The following NBAS variants were observed in gnomAD, a reference collection of about 807,000 sequenced individuals.
NBAS encodes the protein NBAS subunit of NRZ tethering complex, also known as NAG/BC035112 fusion.
Under a neutral mutation model 302.5 loss-of-function variants are expected in NBAS, and 219 were observed. That is an observed-to-expected ratio of 0.72 (90% CI 0.65 to 0.81). The LOEUF is 0.81. Among genes scored for constraint, NBAS ranks in the 30% least tolerant of loss-of-function variants. NBAS has a pLI of 0.00. For missense variants in NBAS, 2,932 were observed against 2,841.6 expected (o/e 1.03, Z -0.72); for synonymous variants, 1,118 against 1,021.6 (o/e 1.09, Z -1.80).
At chr2:15,243,744 C>T (rs750042909) in intron 44 of NBAS, among the ~76,000 whole-genome samples, 2 of 152,102 alleles carry the variant, frequency 1.3e-5, no homozygotes, top group Non-Finnish European at 1.5e-5. Flanking sequence ...GTGGGTATTA[C>T]ATGAAGTACT....
chr2:14,804,458 G>A, the NBAS span, among the ~76,000 whole-genome samples: 1 of 152,118 alleles, frequency 6.6e-6, no homozygotes, highest in Non-Finnish European at 1.5e-5. Context: ...CTATGTTAAT[G>A]AATCAACAAT....
intron 29 of NBAS, among the ~76,000 whole-genome samples, chr2:15,380,563 T>C (rs927831732): frequency 2.7e-5 from 3 of 111,346 alleles, no homozygotes; most frequent in African/African-American, 9.4e-5. Flanking sequence ...TATTAAAAAT[T>C]ATTTAAATAA....
chr2:15,280,149 T>G (rs186342502), intron 42 of NBAS, among the ~76,000 whole-genome samples: 2 of 152,342 alleles, frequency 1.3e-5, no homozygotes, highest in East Asian at 3.9e-4. Flanking sequence ...ACTAATCTCA[T>G]GATTAAGGTG....
At chr2:15,334,702 C>T (rs1269988869) in intron 35 of NBAS, among the ~76,000 whole-genome samples, 2 of 152,208 alleles carry the variant, frequency 1.3e-5, no homozygotes, top group African/African-American at 4.8e-5. Context: ...CCCCATGATG[C>T]AAAGACAATT....
chr2:14,925,804 C>T, the NBAS span, among the ~76,000 whole-genome samples: 13,260 of 152,196 alleles, frequency 0.087, 654 homozygotes, highest in African/African-American at 0.11. Flanking sequence ...AGAACTGTGA[C>T]TTATTATACT....
At chr2:15,175,919 T>C (rs1664515845) in intron 51 of NBAS, among the ~76,000 whole-genome samples, 1 of 152,152 alleles carries the variant, frequency 6.6e-6, no homozygotes, top group Non-Finnish European at 1.5e-5. Context: ...GTGGGGGTGT[T>C]TTTAAACTTG....
At chr2:14,860,845 G>A in the NBAS span, among the ~76,000 whole-genome samples, 3 of 152,110 alleles carry the variant, frequency 2.0e-5, no homozygotes, top group Non-Finnish European at 2.9e-5. Flanking sequence ...AGTAATTCAA[G>A]TGTTTCTATT....
chr2:15,064,125 A>G, the NBAS span, among the ~76,000 whole-genome samples: 1 of 152,188 alleles, frequency 6.6e-6, no homozygotes, highest in South Asian at 2.1e-4. Context: ...CAGGGTATTG[A>G]AGTCTCCTAC....
chr2:15,417,597 T>A lies in NBAS; in HGVS notation c.2693A>T (p.Asp898Val), dbSNP rs140077889. Residue 898 changes from aspartate to valine, a missense_variant, in exon 24 of 52, where the codon GAT becomes GTT. Transcript: ENST00000281513. ...LETLVYEARC[D>V]VTLTLKELQQ... ...GAGTTCTTTCAGGGTTAGAGTTACA[T>A]CACACCTGGCTTCATAAACCAATGT... 1 of 1,614,024 alleles carries A rather than the reference T, an allele frequency of 6.2e-7. No individual in the cohort carries two copies. The highest frequency in any genetic ancestry group is 1.1e-5 in the South Asian group (1 of 91,074).
chr2:15,076,309 G>A, the NBAS span, among the ~76,000 whole-genome samples: 22 of 152,212 alleles, frequency 1.4e-4, 1 homozygote, highest in Admixed American at 7.9e-4. Flanking sequence ...AAAAAAGTCC[G>A]TTGAGCAGAA....
chr2:15,081,362 C>T, the NBAS span, among the ~76,000 whole-genome samples: 1 of 152,166 alleles, frequency 6.6e-6, no homozygotes, highest in Admixed American at 6.5e-5. Context: ...AGAAACTAAA[C>T]TCAGGTCGTT....
At chr2:14,828,135 T>G in the NBAS span, among the ~76,000 whole-genome samples, 89 of 152,300 alleles carry the variant, frequency 5.8e-4, no homozygotes, top group Non-Finnish European at 1.0e-3. Flanking sequence ...GGTACAGCAG[T>G]AAATAAATTA....
At chr2:14,867,727 T>C in the NBAS span, among the ~76,000 whole-genome samples, 6 of 152,244 alleles carry the variant, frequency 3.9e-5, no homozygotes, top group Non-Finnish European at 5.9e-5. Flanking sequence ...AATTTTTTGC[T>C]TGTCTTTTGT....
chr2:14,884,568 C>T, the NBAS span, among the ~76,000 whole-genome samples: 67 of 152,264 alleles, frequency 4.4e-4, no homozygotes, highest in African/African-American at 1.6e-3. Flanking sequence ...AGAGACCTGG[C>T]ATGGTTTTGT....
chr2:15,026,462 C>CAAAAAAAAAAAAAAAAAA, the NBAS span, among the ~76,000 whole-genome samples: 1 of 4,530 alleles, frequency 2.2e-4, no homozygotes, highest in Non-Finnish European at 2.9e-4. Flanking sequence ...GACTCCGTCT[C>CAAAAAAAAAAAAAAAAAA]AAAAAAAAAA....
chr2:14,876,797 C>A, the NBAS span, among the ~76,000 whole-genome samples: 1 of 152,228 alleles, frequency 6.6e-6, no homozygotes, highest in East Asian at 1.9e-4. Context: ...ACACCCTTAG[C>A]TCTCTGTAGG....
At chr2:15,534,781 A>G (rs899985842) in intron 8 of NBAS, 140 bp from the exon 9 acceptor site, 73 of 711,484 alleles carry the variant, frequency 1.0e-4, no homozygotes, top group Non-Finnish European at 5.3e-5. Flanking sequence ...GAACTCGAAT[A>G]CGTCACAATG....
chr2:15,165,832 C>A (rs532214766), downstream of NBAS, among the ~76,000 whole-genome samples: 4 of 152,312 alleles, frequency 2.6e-5, no homozygotes, highest in South Asian at 8.3e-4. Context: ...GCAAATTACT[C>A]CCTATAACAA....
the NBAS span, among the ~76,000 whole-genome samples, chr2:14,833,836 A>G: frequency 6.6e-6 from 1 of 151,926 alleles, no homozygotes; most frequent in African/African-American, 2.4e-5. Flanking sequence ...ACGATATCTC[A>G]AATTTTTTCT....
Sources: allele counts gnomAD v4.1 joint callset (sites outside exome capture counted in the v4.1 genomes callset), GRCh38; gene constraint gnomAD v4.1.1; transcripts MANE v1.5; gene names NCBI Gene and HGNC (gene_info 2026-07-23, HGNC 2026-07-21).